Variants in CES5A observed in about 807,000 individuals in gnomAD.
CES5A encodes the protein carboxylesterase 5A, also known as carboxylesterase 5.
In CES5A, 67 loss-of-function variants were observed where a neutral mutation model predicts 62.9. The observed-to-expected ratio is 1.07, with a 90% CI of 0.88 to 1.31. The LOEUF (loss-of-function observed/expected upper bound fraction) is 1.31, where lower values mean the gene tolerates loss of function less well. Ranked by LOEUF, CES5A falls within the 50% of genes most tolerant of loss-of-function variation. CES5A has a pLI of 0.00. For synonymous variants in CES5A, 296 were observed against 280.8 expected (o/e 1.05, Z -0.54); for missense variants, 748 against 708.5 (o/e 1.06, Z -0.63).
chr16:55,932,055 T>G (rs1342758382), intron 2 of CES5A, among the ~76,000 whole-genome samples: 2 of 152,136 alleles, frequency 1.3e-5, no homozygotes, highest in Admixed American at 6.5e-5. Flanking sequence ...AATGGATAAA[T>G]GGATTGATGG....
intron 9 of CES5A, among the ~76,000 whole-genome samples, chr16:55,855,895 G>T (rs1335837473): frequency 6.6e-6 from 1 of 152,144 alleles, no homozygotes; most frequent in Non-Finnish European, 1.5e-5. Flanking sequence ...GGGCCTGATG[G>T]GAGGTGATTG....
chr16:55,940,682 G>A (rs543639557), intron 2 of CES5A, among the ~76,000 whole-genome samples: 14 of 151,884 alleles, frequency 9.2e-5, no homozygotes, highest in African/African-American at 3.1e-4. Context: ...ATTTCATGAA[G>A]CCTGTATACC....
chr16:55,849,551 C>T (rs1013112655), intron 11 of CES5A, 73 bp downstream of exon 11: 2 of 1,547,290 alleles, frequency 1.3e-6, no homozygotes, highest in East Asian at 2.3e-5. Flanking sequence ...CCCCGAAGTC[C>T]TCCAGGCGCT....
At chr16:55,904,655 T>C (rs1567348490) in intron 1 of CES5A, among the ~76,000 whole-genome samples, 1 of 152,334 alleles carries the variant, frequency 6.6e-6, no homozygotes. Context: ...TTAATACTAG[T>C]TCCATTATAG....
At chr16:55,895,321 T>C (rs1043295280) in intron 1 of CES5A, among the ~76,000 whole-genome samples, 22 of 152,238 alleles carry the variant, frequency 1.4e-4, no homozygotes, top group African/African-American at 5.3e-4. Flanking sequence ...AGTGTGTTTA[T>C]GAACTCCAAC....
intron 2 of CES5A, among the ~76,000 whole-genome samples, chr16:55,930,839 C>T (rs1296873270): frequency 6.6e-6 from 1 of 152,130 alleles, no homozygotes; most frequent in Non-Finnish European, 1.5e-5. Flanking sequence ...CACATAGACA[C>T]ATAGTATTCC....
At chr16:55,848,417 C>T (rs1303473024) in intron 11 of CES5A, among the ~76,000 whole-genome samples, 1 of 152,132 alleles carries the variant, frequency 6.6e-6, no homozygotes, top group Non-Finnish European at 1.5e-5. Context: ...CCATGCCCGG[C>T]CTTACATGCA....
chr16:55,907,641 A>G (rs1437008735), intron 1 of CES5A, among the ~76,000 whole-genome samples: 3 of 152,172 alleles, frequency 2.0e-5, no homozygotes, highest in African/African-American at 7.2e-5. Flanking sequence ...GCCCTCAGGG[A>G]AGGGGCAGAT....
chr16:55,846,719 T>G, intron 12 of CES5A, 37 bp from the exon 13 acceptor site: 1 of 1,612,412 alleles, frequency 6.2e-7, no homozygotes, highest in East Asian at 2.2e-5. Context: ...GAGATTTTCC[T>G]CCTCACACCC....
intron 2 of CES5A, among the ~76,000 whole-genome samples, chr16:55,936,809 A>G (rs2034381385): frequency 6.6e-6 from 1 of 152,230 alleles, no homozygotes; most frequent in Admixed American, 6.5e-5. Context: ...AGTATCTATT[A>G]AATATAAAGT....
intron 7 of CES5A, among the ~76,000 whole-genome samples, chr16:55,859,983 G>C (rs1394352189): frequency 1.3e-5 from 2 of 152,166 alleles, no homozygotes; most frequent in Non-Finnish European, 2.9e-5. Flanking sequence ...GTTTGGCTGT[G>C]TCCCCACCCA....
intron 1 of CES5A, among the ~76,000 whole-genome samples, chr16:55,888,305 G>A (rs1016460560): frequency 6.6e-6 from 1 of 152,074 alleles, no homozygotes; most frequent in African/African-American, 2.4e-5. Context: ...TCCGTTTACT[G>A]TCCCCAGGCT....
upstream of CES5A, among the ~76,000 whole-genome samples, chr16:55,927,295 A>G (rs2095204064): frequency 2.0e-5 from 3 of 152,228 alleles, no homozygotes; most frequent in Admixed American, 6.5e-5. Flanking sequence ...GCTTCTGCAC[A>G]GCAGAAGAAA....
chr16:55,943,055 A>C (rs1212651913), intron 2 of CES5A, among the ~76,000 whole-genome samples: 1 of 152,222 alleles, frequency 6.6e-6, no homozygotes, highest in African/African-American at 2.4e-5. Flanking sequence ...GGAGGGATGT[A>C]AATACTTTGT....
intron 1 of CES5A, among the ~76,000 whole-genome samples, chr16:55,913,473 T>C (rs771756730): frequency 3.5e-4 from 54 of 152,192 alleles, no homozygotes; most frequent in Non-Finnish European, 5.3e-4. Flanking sequence ...GCTGATCTGT[T>C]AGTCCTGCAA....
At chr16:55,944,850 C>G (rs1330744581) in intron 2 of CES5A, among the ~76,000 whole-genome samples, 1 of 152,150 alleles carries the variant, frequency 6.6e-6, no homozygotes, top group Non-Finnish European at 1.5e-5. Flanking sequence ...ATTCATCAGG[C>G]ACTTAATGAT....
rs573842142 is a variant in CES5A, at chr16:55,860,145, CT to C, written c.916-459del. On this transcript the variant is annotated intron_variant, in intron 7 of 12. Transcript: ENST00000290567. The stretch of plus-strand genomic sequence containing the variant: ...GATGGTTTTATAAAGGGGAGCTCCC[CT>C]GAACAAGCTTTTTTTTTGCCCACCA... 5.9e-5 allele frequency among the ~76,000 whole-genome samples: 9 copies of C among 151,636 alleles called. No individual in the cohort carries two copies. The South Asian group carries it at 1.9e-3, about 33-fold the overall frequency.
intron 1 of CES5A, among the ~76,000 whole-genome samples, chr16:55,908,344 GTTGTTTGTTTGT>G (rs3068646): frequency 1.5e-4 from 22 of 150,942 alleles, no homozygotes; most frequent in African/African-American, 1.7e-4. Context: ...CAGTTTTGTT[GTTGTTTGTTTGT>G]TTGTTTGTTT....
At chr16:55,913,025 G>C (rs913010586) in intron 1 of CES5A, among the ~76,000 whole-genome samples, 4 of 152,160 alleles carry the variant, frequency 2.6e-5, no homozygotes, top group African/African-American at 9.7e-5. Context: ...CAGGGGAATT[G>C]CAATGGAGAA....
Sources: allele counts gnomAD v4.1 joint callset (sites outside exome capture counted in the v4.1 genomes callset), GRCh38; gene constraint gnomAD v4.1.1; transcripts MANE v1.5; gene names NCBI Gene and HGNC (gene_info 2026-07-23, HGNC 2026-07-21).